The following MYO16 variants were observed in gnomAD, a reference collection of about 807,000 sequenced individuals.
MYO16 encodes myosin XVI, also known as unconventional myosin-XVI.
Under a neutral mutation model 205.3 loss-of-function variants are expected in MYO16, and 94 were observed. That is an observed-to-expected ratio of 0.46 (90% CI 0.39 to 0.54). The LOEUF (loss-of-function observed/expected upper bound fraction) is 0.54, where lower values mean the gene tolerates loss of function less well. Ranked by LOEUF, MYO16 falls within the 20% of genes least tolerant of loss-of-function variation. The probability of loss-of-function intolerance (pLI) is 0.00; values close to 1 mark genes in which losing one functional copy is unlikely to be tolerated. For missense variants in MYO16, 2,315 were observed against 2,387.5 expected (o/e 0.97, Z 0.63); for synonymous variants, 988 against 954.0 (o/e 1.04, Z -0.66).
chr13:109,085,121 C>T (rs1020448173), intron 27 of MYO16, among the ~76,000 whole-genome samples: 6 of 152,036 alleles, frequency 3.9e-5, no homozygotes, highest in African/African-American at 1.2e-4. Flanking sequence ...GCCAGGGAGA[C>T]GTTGAACTAG....
At chr13:109,129,071 C>CTTTTTTTTTT (rs372300769) in intron 31 of MYO16, among the ~76,000 whole-genome samples, 1 of 128,222 alleles carries the variant, frequency 7.8e-6, no homozygotes, top group Non-Finnish European at 1.7e-5. Context: ...TGCGCCAGGC[C>CTTTTTTTTTT]TTTTTTTTTT....
intron 1 of MYO16, among the ~76,000 whole-genome samples, chr13:108,638,214 G>A (rs1033854210): frequency 2.0e-5 from 3 of 152,144 alleles, no homozygotes; most frequent in Non-Finnish European, 4.4e-5. Context: ...CAGCAAGTTC[G>A]AAGACCCTGA....
At chr13:108,973,749 C>T (rs993269926) in intron 20 of MYO16, among the ~76,000 whole-genome samples, 10 of 152,120 alleles carry the variant, frequency 6.6e-5, no homozygotes, top group African/African-American at 2.4e-4. Context: ...CATCTGACAG[C>T]ACTTAAGAGA....
intron 34 of MYO16, among the ~76,000 whole-genome samples, chr13:109,185,411 G>A (rs572439665): frequency 1.1e-3 from 170 of 151,850 alleles, no homozygotes; most frequent in African/African-American, 4.1e-3. Flanking sequence ...AAAAAAAAAA[G>A]CTAAAAGCTT....
intron 29 of MYO16, among the ~76,000 whole-genome samples, chr13:109,123,891 T>C (rs1328568817): frequency 6.6e-6 from 1 of 152,224 alleles, no homozygotes; most frequent in Non-Finnish European, 1.5e-5. Flanking sequence ...CTTCCTCCTT[T>C]CCCAAGGGCA....
chr13:108,902,270 A>C (rs1249097166), intron 15 of MYO16, among the ~76,000 whole-genome samples: 1 of 152,230 alleles, frequency 6.6e-6, no homozygotes, highest in African/African-American at 2.4e-5. Flanking sequence ...AGGAAGGGGC[A>C]GACACCAGCT....
At chr13:108,644,597 C>T (rs1880668803) in intron 1 of MYO16, among the ~76,000 whole-genome samples, 1 of 152,166 alleles carries the variant, frequency 6.6e-6, no homozygotes, top group African/African-American at 2.4e-5. Flanking sequence ...TCTTAATGAA[C>T]TCAAGCTCCA....
intron 6 of MYO16, among the ~76,000 whole-genome samples, chr13:108,795,245 G>A (rs986203447): frequency 1.3e-5 from 2 of 150,894 alleles, no homozygotes; most frequent in African/African-American, 4.9e-5. Flanking sequence ...AGGCTGGAGT[G>A]CAATGGCATG....
intron 11 of MYO16, among the ~76,000 whole-genome samples, chr13:108,865,394 C>T (rs1878660045): frequency 6.6e-6 from 1 of 152,054 alleles, no homozygotes; most frequent in Admixed American, 6.6e-5. Flanking sequence ...TCATTTTACT[C>T]TGAAATGTTT....
intron 31 of MYO16, among the ~76,000 whole-genome samples, chr13:109,130,645 G>T (rs1011104256): frequency 5.3e-5 from 8 of 152,172 alleles, no homozygotes; most frequent in African/African-American, 1.9e-4. Context: ...GATCGCAAAG[G>T]TAGCTCCACC....
chr13:109,081,736 G>A (rs1162447744), intron 27 of MYO16, among the ~76,000 whole-genome samples: 1 of 152,140 alleles, frequency 6.6e-6, no homozygotes, highest in Non-Finnish European at 1.5e-5. Context: ...CCATTGCAGT[G>A]GCATAAGAAC....
chr13:108,506,272 T>C, the MYO16 span, among the ~76,000 whole-genome samples: 2 of 152,178 alleles, frequency 1.3e-5, no homozygotes, highest in Non-Finnish European at 2.9e-5. Flanking sequence ...TTTAACAATA[T>C]TAAGTCTTCC....
the MYO16 span, among the ~76,000 whole-genome samples, chr13:108,528,567 CTCT>C: frequency 7.6e-6 from 1 of 131,434 alleles, no homozygotes; most frequent in African/African-American, 3.0e-5. Flanking sequence ...CTCTCCTCTC[CTCT>C]CCCCTCCCCT....
chr13:108,554,460 CAT>C, the MYO16 span, among the ~76,000 whole-genome samples: 1 of 152,238 alleles, frequency 6.6e-6, no homozygotes, highest in Non-Finnish European at 1.5e-5. Context: ...AAGCACTGGC[CAT>C]GTTCTTATTC....
chr13:109,176,577 T>TAAAAAAAAAAAAAACAAAAAAAAAAA (rs1879190455), intron 33 of MYO16, among the ~76,000 whole-genome samples: 1 of 44,942 alleles, frequency 2.2e-5, no homozygotes, highest in East Asian at 1.6e-3. Context: ...ATTGTGCTGG[T>TAAAAAAAAAAAAAACAAAAAAAAAAA]AAAAAAAAAA....
rs1884358685 is a variant in MYO16, at chr13:108,978,823, A to G, written c.2370-13553A>G. ...GAAATCGCCCTAAAATCTTCTGAGC[A>G]TTTGAAAGGAGAGTTGGCTTTTGGA... On this transcript the variant is annotated intron_variant, in intron 20 of 34. Coordinates refer to ENST00000457511, the MANE Select transcript of MYO16 (RefSeq NM_001198950.3). Among the ~76,000 whole-genome samples, 3 of 152,042 alleles carry G rather than the reference A, an allele frequency of 2.0e-5. No homozygotes were observed. The South Asian group carries it at 6.2e-4, about 31-fold the overall frequency.
intron 27 of MYO16, among the ~76,000 whole-genome samples, chr13:109,094,251 T>G (rs1021472573): frequency 1.3e-5 from 2 of 152,208 alleles, no homozygotes; most frequent in African/African-American, 4.8e-5. Context: ...GTTTCTGTCA[T>G]CCAGGCTGGA....
chr13:108,966,098 T>G (rs1594432240), intron 20 of MYO16, among the ~76,000 whole-genome samples: 1 of 152,322 alleles, frequency 6.6e-6, no homozygotes, highest in African/African-American at 2.4e-5. Context: ...CACTGAACAT[T>G]GATCAACATA....
the MYO16 span, among the ~76,000 whole-genome samples, chr13:108,576,180 C>T: frequency 6.6e-6 from 1 of 152,166 alleles, no homozygotes; most frequent in Non-Finnish European, 1.5e-5. Flanking sequence ...GATAATGAAA[C>T]AGGTGGCAGA....
Sources: gnomAD v4.1 joint callset for allele counts (sites outside exome capture counted in the v4.1 genomes callset) on GRCh38, gnomAD v4.1.1 for gene constraint, MANE v1.5 for transcripts, NCBI Gene and HGNC (gene_info 2026-07-23, HGNC 2026-07-21) for gene names.